The following GRB2 variants were observed in gnomAD, a reference collection of about 807,000 sequenced individuals.
GRB2 encodes growth factor receptor bound protein 2.
A neutral mutation model predicts 27.4 loss-of-function variants in GRB2; 2 were observed. The observed-to-expected ratio is 0.07, with a 90% CI of 0.03 to 0.23. GRB2 has a LOEUF of 0.23. GRB2 is among the 10% of genes least tolerant of loss of function. The probability of loss-of-function intolerance (pLI) is 1.00; values close to 1 mark genes in which losing one functional copy is unlikely to be tolerated. For synonymous variants in GRB2, 94 were observed against 99.6 expected, an observed-to-expected ratio of 0.94 and a Z score of 0.33; for missense variants, 102 against 282.4, an observed-to-expected ratio of 0.36 and a Z score of 4.58.
intron 2 of GRB2, among the ~76,000 whole-genome samples, chr17:75,388,830 CAAACTAGGGATTG>C: frequency 6.6e-6 from 1 of 152,264 alleles, no homozygotes; most frequent in Non-Finnish European, 1.5e-5. Flanking sequence ...TCTAACCAAC[CAAACTAGGGATTG>C]GCTCTCCACT....
At chr17:75,332,873 G>A in intron 2 of GRB2, 76 bp from the exon 3 acceptor site, 1 of 951,848 alleles carries the variant, frequency 1.1e-6, no homozygotes, top group Non-Finnish European at 1.7e-6. Context: ...AGACAATTAT[G>A]CTATCTTTTA....
At chr17:75,388,960 T>C (rs1379482855) in intron 2 of GRB2, among the ~76,000 whole-genome samples, 2 of 152,162 alleles carry the variant, frequency 1.3e-5, no homozygotes, top group Non-Finnish European at 2.9e-5. Flanking sequence ...GCTTTCAGTA[T>C]CTTTCAAACC....
chr17:75,374,298 G>C (rs2078876856), intron 2 of GRB2, among the ~76,000 whole-genome samples: 1 of 150,844 alleles, frequency 6.6e-6, no homozygotes, highest in African/African-American at 2.4e-5. Flanking sequence ...CAGCTAGTCA[G>C]GAGGCTGAGG....
intron 2 of GRB2, among the ~76,000 whole-genome samples, chr17:75,368,515 G>A (rs904024182): frequency 6.7e-6 from 1 of 150,168 alleles, no homozygotes; most frequent in Non-Finnish European, 1.5e-5. Context: ...GACCCACTGC[G>A]TCAGGCGTTT....
intron 2 of GRB2, among the ~76,000 whole-genome samples, chr17:75,377,107 AG>A (rs1188577566): frequency 1.3e-5 from 2 of 152,096 alleles, no homozygotes; most frequent in Non-Finnish European, 2.9e-5. Context: ...ACTCGAGACC[AG>A]CCTGGGCAAC....
chr17:75,352,864 A>G (rs1217122411), intron 2 of GRB2, among the ~76,000 whole-genome samples: 1 of 150,880 alleles, frequency 6.6e-6, no homozygotes, highest in Admixed American at 6.6e-5. Context: ...CTGGGAGAAA[A>G]AGTTAACTTG....
At chr17:75,396,779 G>A (rs1252515661) in intron 1 of GRB2, among the ~76,000 whole-genome samples, 4 of 152,066 alleles carry the variant, frequency 2.6e-5, no homozygotes, top group Admixed American at 6.6e-5. Flanking sequence ...CTCTAATGCC[G>A]AGACTATGTA....
chr17:75,405,161 C>G (rs1005915674), intron 1 of GRB2: 1 of 152,272 alleles, frequency 6.6e-6, no homozygotes, highest in African/African-American at 2.4e-5. Flanking sequence ...GGTAGACTGA[C>G]TCGGTCGGCG....
chr17:75,393,705 G>T lies in GRB2; in HGVS notation c.-77C>A. 8.7e-7 allele frequency: 1 copy of T among 1,154,306 alleles called. No individual in the cohort carries two copies. Among genetic ancestry groups the T allele is most frequent in the Non-Finnish European group, 1.3e-6 (1 of 769,520 alleles). 71.5% of individuals were successfully genotyped at this position (1,154,306 alleles called of 1,614,324 possible). Reference sequence around the variant, plus strand: ...CCCTGCTGAAGCAACCCAGCGCTCTGGGCTTAGCCTCGCCTCTCTTCTGGG... The same window carrying T: ...CCCTGCTGAAGCAACCCAGCGCTCTTGGCTTAGCCTCGCCTCTCTTCTGGG... On this transcript the variant is annotated 5_prime_UTR_variant, in exon 2 of 6. Coordinates refer to ENST00000316804, the MANE Select transcript of GRB2 (RefSeq NM_002086.5).
chr17:75,381,222 C>T (rs2078925520), intron 2 of GRB2, among the ~76,000 whole-genome samples: 1 of 151,926 alleles, frequency 6.6e-6, no homozygotes, highest in Non-Finnish European at 1.5e-5. Context: ...ACTACAATTA[C>T]AGGATTATAA....
At chr17:75,321,885 G>C (rs2078462646) in intron 4 of GRB2, 58 bp from the exon 5 acceptor site, 2 of 1,548,432 alleles carry the variant, frequency 1.3e-6, no homozygotes. Context: ...GCAAATCGAG[G>C]GTATTTCCAT....
chr17:75,355,194 A>C (rs2078723848), intron 2 of GRB2, among the ~76,000 whole-genome samples: 1 of 152,228 alleles, frequency 6.6e-6, no homozygotes, highest in Non-Finnish European at 1.5e-5. Flanking sequence ...TGCCTGCTCA[A>C]GGACATTAAC....
Position 75,318,158 on chromosome 17 carries a change from T to TA in GRB2, c.*2209dup, listed in dbSNP as rs990149360. 2.0e-4 allele frequency: 30 copies of TA among 152,654 alleles called. No individual in the cohort carries two copies. Among genetic ancestry groups the TA allele is most frequent in the African/African-American group, 7.0e-4 (29 of 41,462 alleles). 9.5% of individuals were successfully genotyped at this position (152,654 alleles called of 1,614,324 possible). ...CCGCAGAGTTAAAGGATTAAGTACA[T>TA]AGGTCTTTATTTAAACACTGATTTT... On this transcript the variant is annotated 3_prime_UTR_variant, in exon 6 of 6. Transcript: ENST00000316804.
chr17:75,337,901 C>CTACTATTATTATTAT (rs1375563317), intron 2 of GRB2, among the ~76,000 whole-genome samples: 1 of 117,388 alleles, frequency 8.5e-6, no homozygotes. Flanking sequence ...ACTACTACTA[C>CTACTATTATTATTAT]TATTATTATT....
Position 75,383,058 on chromosome 17 carries a change from C to T in GRB2, c.78+10493G>A, listed in dbSNP as rs115194023. On this transcript the variant is annotated intron_variant, in intron 2 of 5. Transcript: ENST00000316804. ...TGTTTGGGAAAAACACGCCTATTCTCATTATTGAGACTAGAGAGAATGTTT... is the reference window on the plus strand; with the variant it reads ...TGTTTGGGAAAAACACGCCTATTCTTATTATTGAGACTAGAGAGAATGTTT... 8.4e-3 allele frequency among the ~76,000 whole-genome samples: 1,274 copies of T among 151,704 alleles called. 21 individuals carry two copies. Among genetic ancestry groups the T allele is most frequent in the African/African-American group, 0.029 (1,223 of 41,480 alleles).
At chr17:75,393,017 T>A (rs1306614632) in intron 2 of GRB2, among the ~76,000 whole-genome samples, 1 of 152,206 alleles carries the variant, frequency 6.6e-6, no homozygotes, top group Non-Finnish European at 1.5e-5. Context: ...CTCCATTTGT[T>A]TTTTCACAAA....
intron 2 of GRB2, chr17:75,338,798 TC>T: frequency 1.4e-6 from 1 of 723,080 alleles, no homozygotes; most frequent in Non-Finnish European, 2.5e-6. Context: ...AATATACAAG[TC>T]CTTTCTGTGC....
In GRB2 at chr17:75,401,182, AC is replaced by A. The variant is rs1459102976; in HGVS notation, c.-138+4306del. On this transcript the variant is annotated intron_variant, in intron 1 of 5. Coordinates refer to ENST00000316804, the MANE Select transcript of GRB2 (RefSeq NM_002086.5). ...AAGGCTAGGCCGGGCGCAGTGGCTC[AC>A]GCCTGTAATCCCAGCACTTTGGGAG... Among the ~76,000 whole-genome samples the A allele has an allele frequency of 1.1e-4, 17 of 151,920 alleles. No individual in the cohort carries two copies. The East Asian group carries it at 1.7e-3, about 16-fold the overall frequency.
chr17:75,362,422 A>G (rs1416113365), intron 2 of GRB2, among the ~76,000 whole-genome samples: 1 of 152,216 alleles, frequency 6.6e-6, no homozygotes, highest in African/African-American at 2.4e-5. Flanking sequence ...TTTGAGGGAA[A>G]AATCAAGACC....
Sources: allele counts gnomAD v4.1 joint callset (sites outside exome capture counted in the v4.1 genomes callset), GRCh38; gene constraint gnomAD v4.1.1; transcripts MANE v1.5; gene names NCBI Gene and HGNC (gene_info 2026-07-23, HGNC 2026-07-21).